The following PPP3CC variants were observed in gnomAD, a reference collection of about 807,000 sequenced individuals.
The protein encoded by PPP3CC is serine/threonine-protein phosphatase 2B catalytic subunit gamma isoform.
In PPP3CC, 35 loss-of-function variants were observed where a neutral mutation model predicts 60.3. The observed-to-expected ratio is 0.58, with a 90% CI of 0.44 to 0.77. The LOEUF (loss-of-function observed/expected upper bound fraction) is 0.77, where lower values mean the gene tolerates loss of function less well. PPP3CC is among the 30% of genes least tolerant of loss of function. The pLI is 0.00. For missense variants in PPP3CC, 570 were observed against 628.9 expected (o/e 0.91, Z 1.00); for synonymous variants, 206 against 224.3 (o/e 0.92, Z 0.73).
intron 9 of PPP3CC, 134 bp downstream of exon 9, chr8:22,527,651 T>TC: frequency 8.4e-5 from 87 of 1,034,588 alleles, no homozygotes; most frequent in South Asian, 1.0e-4. Context: ...TTTTTTTTTT[T>TC]CTGAGATGGA....
intron 12 of PPP3CC, among the ~76,000 whole-genome samples, chr8:22,538,291 CTAA>C (rs1415129476): frequency 6.6e-6 from 1 of 152,178 alleles, no homozygotes; most frequent in Non-Finnish European, 1.5e-5. Flanking sequence ...CTCCCACTTC[CTAA>C]CAGTTACATC....
At position 22,532,912 on chromosome 8, in the gene PPP3CC, C is replaced by T. The variant is rs961408940; in HGVS notation, c.1224-9C>T. On this transcript the variant is annotated splice_polypyrimidine_tract_variant and intron_variant, in intron 11 of 13. Coordinates refer to ENST00000240139, the MANE Select transcript of PPP3CC (RefSeq NM_005605.5). ...GGGCATTAACCCAGGGTTTGGTCTC[C>T]CTTTGCAGGCAAGAAAGTGAGAGTG... The T allele has an allele frequency of 6.4e-7, 1 of 1,564,868 alleles. No homozygotes were observed. Among genetic ancestry groups the T allele is most frequent in the African/African-American group, 1.4e-5 (1 of 72,622 alleles).
At chr8:22,476,172 A>G (rs769848219) in intron 3 of PPP3CC, among the ~76,000 whole-genome samples, 5 of 152,238 alleles carry the variant, frequency 3.3e-5, no homozygotes, top group Non-Finnish European at 5.9e-5. Flanking sequence ...AAAGATAGGA[A>G]CATGTTTAGA....
chr8:22,525,507 T>TTTCTTTCC (rs1255462226), intron 8 of PPP3CC, among the ~76,000 whole-genome samples: 6 of 93,372 alleles, frequency 6.4e-5, no homozygotes, highest in African/African-American at 3.0e-4. Flanking sequence ...TCTTTCTTTC[T>TTTCTTTCC]TTCTTTCTTT....
At chr8:22,516,166 C>T (rs899857280) in intron 6 of PPP3CC, among the ~76,000 whole-genome samples, 7 of 152,036 alleles carry the variant, frequency 4.6e-5, no homozygotes, top group Non-Finnish European at 7.4e-5. Context: ...TCTTGAAGTC[C>T]TAGACTCAAG....
intron 8 of PPP3CC, among the ~76,000 whole-genome samples, chr8:22,524,188 A>G (rs748264387): frequency 6.6e-6 from 1 of 152,228 alleles, no homozygotes; most frequent in Non-Finnish European, 1.5e-5. Context: ...CTCATCTGAT[A>G]AAAAGGTCTG....
chr8:22,532,465 G>A (rs192411859), intron 11 of PPP3CC, among the ~76,000 whole-genome samples, 159 bp downstream of exon 11: 55 of 152,356 alleles, frequency 3.6e-4, no homozygotes, highest in Non-Finnish European at 4.4e-4. Flanking sequence ...GACTAAAAAT[G>A]TTCCAGCAAA....
chr8:22,522,912 G>A, intron 8 of PPP3CC, 163 bp downstream of exon 8: 2 of 554,978 alleles, frequency 3.6e-6, no homozygotes, highest in African/African-American at 1.9e-5. Flanking sequence ...TAGAATTTAT[G>A]CTGCTGCTTG....
chr8:22,501,032 C>A (rs765241404), intron 4 of PPP3CC, among the ~76,000 whole-genome samples: 9 of 152,152 alleles, frequency 5.9e-5, no homozygotes, highest in Non-Finnish European at 1.0e-4. Context: ...GAGGCACTTA[C>A]CTATAGTCCC....
chr8:22,520,110 GT>G (rs35088320), intron 6 of PPP3CC, among the ~76,000 whole-genome samples: 147,695 of 151,980 alleles, frequency 0.97, 71,804 homozygotes, highest in East Asian at 1. Context: ...TGGTTGGCAG[GT>G]TTTTTTTTCT....
chr8:22,535,063 T>C (rs1393488107), intron 12 of PPP3CC, among the ~76,000 whole-genome samples: 2 of 152,226 alleles, frequency 1.3e-5, no homozygotes, highest in Non-Finnish European at 2.9e-5. Context: ...TAAGAATGTG[T>C]TGAGCTGTAC....
intron 1 of PPP3CC, among the ~76,000 whole-genome samples, chr8:22,449,284 C>CA (rs890018411): frequency 6.6e-5 from 10 of 151,230 alleles, no homozygotes; most frequent in Admixed American, 2.0e-4. Context: ...CCCGTGTCTA[C>CA]AAAAAATATA....
intron 4 of PPP3CC, among the ~76,000 whole-genome samples, chr8:22,508,322 AAAAG>A (rs1266085145): frequency 6.6e-6 from 1 of 152,204 alleles, no homozygotes; most frequent in Non-Finnish European, 1.5e-5. Context: ...TTCATCATAA[AAAAG>A]AAAGAACAGC....
intron 1 of PPP3CC, among the ~76,000 whole-genome samples, chr8:22,450,782 T>A (rs1230902949): frequency 6.6e-6 from 1 of 151,750 alleles, no homozygotes; most frequent in Non-Finnish European, 1.5e-5. Flanking sequence ...ACAACCCTCA[T>A]CCCCAACCTA....
intron 6 of PPP3CC, among the ~76,000 whole-genome samples, chr8:22,521,082 C>G (rs980655565): frequency 2.7e-4 from 41 of 152,108 alleles, no homozygotes; most frequent in African/African-American, 9.9e-4. Flanking sequence ...GGGGCATGGA[C>G]AAGTATGTCC....
chr8:22,512,668 T>C (rs1189834632), intron 5 of PPP3CC, among the ~76,000 whole-genome samples: 1 of 152,260 alleles, frequency 6.6e-6, no homozygotes, highest in Non-Finnish European at 1.5e-5. Flanking sequence ...CTTTCTAAAA[T>C]AGTATATCTC....
At chr8:22,502,436 A>G (rs764202156) in intron 4 of PPP3CC, among the ~76,000 whole-genome samples, 1 of 152,144 alleles carries the variant, frequency 6.6e-6, no homozygotes, top group Non-Finnish European at 1.5e-5. Context: ...TCATAATCCT[A>G]CACTTTGGGA....
At chr8:22,476,388 T>C (rs934313402) in intron 3 of PPP3CC, among the ~76,000 whole-genome samples, 14 of 152,144 alleles carry the variant, frequency 9.2e-5, no homozygotes, top group African/African-American at 3.1e-4. Flanking sequence ...AGCTGAGAAA[T>C]TGAGTCTGCT....
At chr8:22,523,028 C>T (rs1839449696) in intron 8 of PPP3CC, among the ~76,000 whole-genome samples, 1 of 152,174 alleles carries the variant, frequency 6.6e-6, no homozygotes, top group Non-Finnish European at 1.5e-5. Context: ...TAAATTGCTT[C>T]AGGCTCATGC....
Sources: gnomAD v4.1 joint callset for allele counts (sites outside exome capture counted in the v4.1 genomes callset) on GRCh38, gnomAD v4.1.1 for gene constraint, MANE v1.5 for transcripts, NCBI Gene and HGNC (gene_info 2026-07-23, HGNC 2026-07-21) for gene names.